NRG2: variants seen among roughly 807,000 people sequenced by gnomAD.
NRG2 encodes the protein neuregulin 2.
Under a neutral mutation model 73.9 loss-of-function variants are expected in NRG2, and 27 were observed. That is an observed-to-expected ratio of 0.37 (90% confidence interval 0.27 to 0.50). NRG2 has a LOEUF of 0.50. NRG2 is among the 20% of genes least tolerant of loss of function. The pLI, the probability that NRG2 is intolerant of heterozygous loss-of-function variation, is 0.96. For synonymous variants in NRG2, 532 were observed against 541.0 expected, an observed-to-expected ratio of 0.98 and a Z score of 0.23; for missense variants, 1,126 against 1,210.1, an observed-to-expected ratio of 0.93 and a Z score of 1.03.
chr5:139,847,819 A>AT lies in NRG2; in HGVS notation c.*97dup, dbSNP rs1400019257. ...TTTTCCTTTTATAGAAAATAAAAATATTTTTATTTCTTTTTTCCTCCTTTC... is the reference window on the plus strand; with the variant it reads ...TTTTCCTTTTATAGAAAATAAAAATATTTTTTATTTCTTTTTTCCTCCTTTC... On this transcript the variant is annotated 3_prime_UTR_variant, in exon 10 of 10. Transcript: ENST00000361474. The AT allele has an allele frequency of 1.3e-6, 1 of 755,640 alleles. No homozygotes were observed. Among genetic ancestry groups the AT allele is most frequent in the Non-Finnish European group, 1.8e-6 (1 of 544,772 alleles). The allele number at this position is 755,640 out of a possible 1,614,324, so 46.8% of individuals were successfully genotyped here.
chr5:139,923,806 G>C (rs1291035922), intron 1 of NRG2, among the ~76,000 whole-genome samples: 1 of 152,098 alleles, frequency 6.6e-6, no homozygotes, highest in Non-Finnish European at 1.5e-5. Context: ...TGGCCTGCTC[G>C]GGACTGTCAT....
In NRG2 at chr5:139,894,586, G is replaced by C. The variant is rs1481626281; in HGVS notation, c.701-7075C>G. On this transcript the variant is annotated intron_variant, in intron 1 of 9. Transcript: ENST00000361474. This position sits in a 1 kb window ranked among gnomAD's most constrained non-coding sequence, Gnocchi z 5.0. ...CACTCACAGGACAGACTCCCAAAGG[G>C]AGTGTATGCCCAGCTGGGCTGCTTA... is the stretch of plus-strand genomic sequence containing the variant. Among the ~76,000 whole-genome samples, 1 of 152,166 alleles carries C rather than the reference G, an allele frequency of 6.6e-6. No homozygotes were observed. Among genetic ancestry groups the C allele is most frequent in the Non-Finnish European group, 1.5e-5 (1 of 68,008 alleles).
At chr5:140,035,004 T>C (rs1426672721) in intron 1 of NRG2, among the ~76,000 whole-genome samples, 1 of 152,312 alleles carries the variant, frequency 6.6e-6, no homozygotes, top group East Asian at 1.9e-4. Flanking sequence ...GGAAGATCAC[T>C]TGAGCTCAGG....
intron 1 of NRG2, among the ~76,000 whole-genome samples, chr5:139,900,715 C>T (rs568824644): frequency 1.3e-5 from 2 of 152,224 alleles, no homozygotes; most frequent in African/African-American, 2.4e-5. Flanking sequence ...TGGGTAGCAA[C>T]TGGGAAACCA....
In NRG2 at chr5:139,880,950, G is replaced by A. The variant is rs1763493914; in HGVS notation, c.897C>T (p.Asn299=). 1.2e-6 allele frequency: 2 copies of A among 1,614,056 alleles called. No individual in the cohort carries two copies. The highest frequency in any genetic ancestry group is 1.6e-4 in the Middle Eastern group (1 of 6,082). Residue 299 remains asparagine (N), a synonymous_variant, in exon 3 of 10, where the codon AAC becomes AAT. Coordinates refer to ENST00000361474, the MANE Select transcript of NRG2 (RefSeq NM_004883.3). ...CCCCAGCGTCCTCCACCTTCACCTT[G>A]TTGAACTGTAGTCGTGAGTTCTTTC... ...NGRKNSRLQF[N]KVKVEDAGEY...
At chr5:139,987,088 T>C (rs1276074328) in intron 1 of NRG2, among the ~76,000 whole-genome samples, 1 of 151,804 alleles carries the variant, frequency 6.6e-6, no homozygotes, top group Non-Finnish European at 1.5e-5. Flanking sequence ...AAGAATATTA[T>C]GGGCTAGGCA....
At chr5:140,038,954 A>T (rs1761707829) in intron 1 of NRG2, among the ~76,000 whole-genome samples, 1 of 152,282 alleles carries the variant, frequency 6.6e-6, no homozygotes, top group Non-Finnish European at 1.5e-5. Flanking sequence ...AACAGCATTT[A>T]AAAAATATGT....
At position 139,904,436 on chromosome 5, in the gene NRG2, T is replaced by C. The variant is rs1274194006; in HGVS notation, c.701-16925A>G. On this transcript the variant is annotated intron_variant, in intron 1 of 9. Coordinates refer to ENST00000361474, the MANE Select transcript of NRG2 (RefSeq NM_004883.3). The surrounding 1 kb of genome is among the most constrained non-coding windows in gnomAD (Gnocchi z 6.0). ...CCAGGCGGTGGGACGGCCTCAGCTC[T>C]CCGCTGCCGCGCTGCGCCCCCGCCG... 1.6e-6 allele frequency: 2 copies of C among 1,267,136 alleles called. No homozygotes were observed. The highest frequency in any genetic ancestry group is 2.5e-5 in the East Asian group (1 of 39,332). 78.5% of individuals were successfully genotyped at this position (1,267,136 alleles called of 1,614,324 possible).
chr5:140,023,158 C>A (rs1490755596), intron 1 of NRG2, among the ~76,000 whole-genome samples: 1 of 152,222 alleles, frequency 6.6e-6, no homozygotes, highest in Non-Finnish European at 1.5e-5. Flanking sequence ...TGCTCCAATA[C>A]CTACAATGGC....
At chr5:139,993,482 C>T (rs925584820) in intron 1 of NRG2, among the ~76,000 whole-genome samples, 3 of 152,298 alleles carry the variant, frequency 2.0e-5, no homozygotes, top group South Asian at 2.1e-4. Context: ...TCGCTAGTAT[C>T]GTTAAAGCCT....
At chr5:139,867,314 T>C (rs990365281) in intron 4 of NRG2, among the ~76,000 whole-genome samples, 2 of 151,922 alleles carry the variant, frequency 1.3e-5, no homozygotes, top group African/African-American at 4.8e-5. Flanking sequence ...GGTAGGAGTG[T>C]GTGTGTGGGT....
Position 139,904,027 on chromosome 5 carries a change from A to G in NRG2, c.701-16516T>C, listed in dbSNP as rs1765054970. Among the ~76,000 whole-genome samples, 1 of 152,188 alleles carries G rather than the reference A, an allele frequency of 6.6e-6. No homozygotes were observed. The highest frequency in any genetic ancestry group is 1.5e-5 in the Non-Finnish European group (1 of 68,014). ...CGCTCGCTCAGGGCTGCTCGCCTGC[A>G]GGCCGGTACCGGCGTGCAGCGCCTC... On this transcript the variant is annotated intron_variant, in intron 1 of 9. Coordinates refer to ENST00000361474, the MANE Select transcript of NRG2 (RefSeq NM_004883.3). This position sits in a 1 kb window ranked among gnomAD's most constrained non-coding sequence, Gnocchi z 6.0.
intron 4 of NRG2, 132 bp downstream of exon 4, chr5:139,871,589 A>G: frequency 1.7e-6 from 2 of 1,194,146 alleles, no homozygotes; most frequent in Non-Finnish European, 2.4e-6. Flanking sequence ...AGTAGGGCAA[A>G]GCTTCCTGTC....
chr5:139,999,033 C>T (rs978317968), intron 1 of NRG2, among the ~76,000 whole-genome samples: 1 of 152,132 alleles, frequency 6.6e-6, no homozygotes, highest in Non-Finnish European at 1.5e-5. Flanking sequence ...ACACACAACC[C>T]TCTAGGGACT....
At chr5:139,939,716 C>T (rs1041420884) in intron 1 of NRG2, among the ~76,000 whole-genome samples, 8 of 152,026 alleles carry the variant, frequency 5.3e-5, no homozygotes, top group South Asian at 4.1e-4. Flanking sequence ...ATCTGCAAAA[C>T]GTATCTGACA....
chr5:140,042,625 T>C lies in NRG2; in HGVS notation c.445A>G (p.Thr149Ala). Residue 149 changes from threonine to alanine, a missense_variant, in exon 1 of 10, where the codon ACC (threonine) becomes GCC (alanine). By Grantham distance (58) the Thr-to-Ala change is moderately conservative. Around this residue, in one of 3 missense-constraint regions of NRG2, gnomAD observed 539 missense variants for 703.2 expected, o/e 0.77. Transcript: ENST00000361474. ...CGACCCGAGGCGGGCGGCTCTCGGGTGCTGTTGGAGCTGGAGCCGCCGGCT... is the reference window on the plus strand; with the variant it reads ...CGACCCGAGGCGGGCGGCTCTCGGGCGCTGTTGGAGCTGGAGCCGCCGGCT... ...VPAGGSSSNS[T>A]REPPASGRVA... The C allele has an allele frequency of 6.2e-7, 1 of 1,605,690 alleles. No homozygotes were observed. Among genetic ancestry groups the C allele is most frequent in the Middle Eastern group, 1.7e-4 (1 of 5,746 alleles).
At chr5:139,886,331 C>A (rs1459143877) in intron 2 of NRG2, among the ~76,000 whole-genome samples, 1 of 152,158 alleles carries the variant, frequency 6.6e-6, no homozygotes, top group African/African-American at 2.4e-5. Flanking sequence ...CATCCAGCCC[C>A]ACATGGCAAA....
intron 1 of NRG2, among the ~76,000 whole-genome samples, chr5:139,922,070 CA>C (rs35988908): frequency 0.24 from 18,654 of 77,246 alleles, 807 homozygotes; most frequent in Middle Eastern, 0.34. Context: ...GATTCTGTCT[CA>C]AAAAAAAAAA....
chr5:139,891,993 G>T (rs1015349084), intron 1 of NRG2, among the ~76,000 whole-genome samples: 1 of 152,168 alleles, frequency 6.6e-6, no homozygotes, highest in Non-Finnish European at 1.5e-5. Flanking sequence ...GCTCTTAACG[G>T]TTCCTCGGAA....
Sources: gnomAD v4.1 joint callset for allele counts (sites outside exome capture counted in the v4.1 genomes callset) on GRCh38, gnomAD v4.1.1 for gene constraint, gnomAD v4.1.1 regional missense constraint, Gnocchi (gnomAD v3.1) non-coding constraint, MANE v1.5 for transcripts, NCBI Gene and HGNC (gene_info 2026-07-23, HGNC 2026-07-21) for gene names.